Variants in FGF14 observed in about 807,000 individuals in gnomAD.
FGF14 encodes fibroblast growth factor homologous factor 4.
FGF14 carries 5 observed loss-of-function variants against 25.5 expected under a neutral mutation model. The ratio of observed to expected loss-of-function variants is 0.20; its 90% CI spans 0.10 to 0.41. The LOEUF (loss-of-function observed/expected upper bound fraction) is 0.41. FGF14 is among the 10% of genes least tolerant of loss of function. FGF14 has a pLI of 1.00. For missense variants in FGF14, 222 were observed against 320.1 expected (o/e 0.69, Z 2.34); for synonymous variants, 138 against 118.3 (o/e 1.17, Z -1.08).
At chr13:102,003,673 T>C (rs917076624) in intron 1 of FGF14, among the ~76,000 whole-genome samples, 1 of 151,818 alleles carries the variant, frequency 6.6e-6, no homozygotes, top group Non-Finnish European at 1.5e-5. Flanking sequence ...AGCTTTTTTT[T>C]TTTTTTTAAT....
intron 2 of FGF14, among the ~76,000 whole-genome samples, chr13:101,869,791 G>A (rs1259109059): frequency 6.6e-6 from 1 of 152,172 alleles, no homozygotes; most frequent in Non-Finnish European, 1.5e-5. Flanking sequence ...CAACTGTATT[G>A]CACAAAACCA....
At chr13:102,054,734 T>G (rs769072067) in intron 1 of FGF14, among the ~76,000 whole-genome samples, 4 of 152,108 alleles carry the variant, frequency 2.6e-5, no homozygotes, top group Non-Finnish European at 2.9e-5. Flanking sequence ...AAAACACAAG[T>G]CATTATGTTT....
chr13:101,789,366 C>T (rs1305943985), intron 3 of FGF14, among the ~76,000 whole-genome samples: 1 of 152,034 alleles, frequency 6.6e-6, no homozygotes, highest in African/African-American at 2.4e-5. Flanking sequence ...TTCAGAGATT[C>T]ATAGGTGCCT....
intron 3 of FGF14, among the ~76,000 whole-genome samples, chr13:101,754,683 C>T (rs1325613812): frequency 6.6e-6 from 1 of 151,422 alleles, no homozygotes; most frequent in Non-Finnish European, 1.5e-5. Flanking sequence ...GACCCGAGAT[C>T]ACACCACTGC....
chr13:102,393,047 T>A (rs2058471159), intron 1 of FGF14, among the ~76,000 whole-genome samples: 1 of 152,214 alleles, frequency 6.6e-6, no homozygotes, highest in African/African-American at 2.4e-5. Flanking sequence ...CCACAATCTT[T>A]GACGCCCCCA....
chr13:101,782,500 T>C (rs1439792313), intron 3 of FGF14, among the ~76,000 whole-genome samples: 1 of 152,164 alleles, frequency 6.6e-6, no homozygotes, highest in African/African-American at 2.4e-5. Context: ...TTAAGCCTAG[T>C]ACCCATTAAT....
chr13:101,762,579 G>A (rs186616312), intron 3 of FGF14, among the ~76,000 whole-genome samples: 3 of 152,316 alleles, frequency 2.0e-5, no homozygotes, highest in African/African-American at 7.2e-5. Context: ...GTTGGTCTGA[G>A]TGATTATGTA....
At chr13:102,153,904 G>A (rs1391964913) in intron 1 of FGF14, among the ~76,000 whole-genome samples, 1 of 152,078 alleles carries the variant, frequency 6.6e-6, no homozygotes, top group Non-Finnish European at 1.5e-5. Context: ...AATTTATAAA[G>A]GTGGTCTTAT....
intron 1 of FGF14, among the ~76,000 whole-genome samples, chr13:102,179,311 TC>T (rs1000310418): frequency 3.3e-5 from 5 of 151,994 alleles, no homozygotes; most frequent in Non-Finnish European, 5.9e-5. Flanking sequence ...CCAGAAATGG[TC>T]CCAGACCTGA....
At chr13:102,157,212 C>G (rs540972274) in intron 1 of FGF14, among the ~76,000 whole-genome samples, 4 of 152,222 alleles carry the variant, frequency 2.6e-5, no homozygotes, top group African/African-American at 7.2e-5. Context: ...CAATCCTAAG[C>G]CAAAAGAACA....
intron 1 of FGF14, among the ~76,000 whole-genome samples, chr13:102,112,052 C>T (rs1849630232): frequency 6.6e-6 from 1 of 152,086 alleles, no homozygotes; most frequent in African/African-American, 2.4e-5. Flanking sequence ...ACTTTAAACC[C>T]AATTAATAAT....
chr13:102,347,595 C>T (rs2057149211), intron 1 of FGF14, among the ~76,000 whole-genome samples: 1 of 152,162 alleles, frequency 6.6e-6, no homozygotes, highest in Non-Finnish European at 1.5e-5. Context: ...CGCACTTTTG[C>T]ATAAGAAGCA....
chr13:102,342,460 C>T (rs958492204), intron 1 of FGF14, among the ~76,000 whole-genome samples: 57 of 152,028 alleles, frequency 3.7e-4, no homozygotes, highest in African/African-American at 1.4e-3. Flanking sequence ...GAAAAATGGA[C>T]AAAATTAACA....
chr13:102,220,351 A>G (rs542257450), intron 1 of FGF14, among the ~76,000 whole-genome samples: 2 of 152,324 alleles, frequency 1.3e-5, no homozygotes, highest in Admixed American at 6.5e-5. Context: ...AAAAATTTCT[A>G]AATAAGTCTC....
intron 1 of FGF14, among the ~76,000 whole-genome samples, chr13:102,183,242 T>C (rs2048746713): frequency 6.6e-6 from 1 of 152,148 alleles, no homozygotes; most frequent in Non-Finnish European, 1.5e-5. Flanking sequence ...CCCCTAAGGA[T>C]TTTTTTAGAA....
intron 3 of FGF14, among the ~76,000 whole-genome samples, chr13:101,794,569 T>G (rs1340526892): frequency 6.6e-6 from 1 of 152,082 alleles, no homozygotes; most frequent in Non-Finnish European, 1.5e-5. Context: ...GCTTGAAATT[T>G]TTTTCCTGTT....
intron 1 of FGF14, among the ~76,000 whole-genome samples, chr13:102,201,822 A>G (rs2049666190): frequency 6.6e-6 from 1 of 152,144 alleles, no homozygotes; most frequent in African/African-American, 2.4e-5. Flanking sequence ...TATTTCTGTT[A>G]CTGGGGGACG....
At chr13:102,128,102 C>A (rs1186308932) in intron 1 of FGF14, among the ~76,000 whole-genome samples, 1 of 152,178 alleles carries the variant, frequency 6.6e-6, no homozygotes, top group African/African-American at 2.4e-5. Flanking sequence ...TCCCGGATAT[C>A]CAATCCTGAC....
intron 1 of FGF14, among the ~76,000 whole-genome samples, chr13:102,132,068 C>T (rs1236791829): frequency 6.6e-6 from 1 of 152,098 alleles, no homozygotes; most frequent in Non-Finnish European, 1.5e-5. Context: ...ACACTCTCTC[C>T]TGAATATCCC....
Sources: allele counts gnomAD v4.1 joint callset (sites outside exome capture counted in the v4.1 genomes callset), GRCh38; gene constraint gnomAD v4.1.1; transcripts MANE v1.5; gene names NCBI Gene and HGNC (gene_info 2026-07-23, HGNC 2026-07-21).